The following ZDHHC17 variants were observed in gnomAD, a reference collection of about 807,000 sequenced individuals.
ZDHHC17 encodes the protein palmitoyltransferase ZDHHC17.
In ZDHHC17, 40 loss-of-function variants were observed where a neutral mutation model predicts 90.3. The ratio of observed to expected loss-of-function variants is 0.44; its 90% confidence interval spans 0.34 to 0.58. The LOEUF (loss-of-function observed/expected upper bound fraction) is 0.58, where lower values mean the gene tolerates loss of function less well. Among genes scored for constraint, ZDHHC17 ranks in the 20% least tolerant of loss-of-function variants. The pLI, the probability that ZDHHC17 is intolerant of heterozygous loss-of-function variation, is 0.01. For synonymous variants in ZDHHC17, 235 were observed against 252.4 expected, an observed-to-expected ratio of 0.93 and a Z score of 0.65; for missense variants, 614 against 780.8, an observed-to-expected ratio of 0.79 and a Z score of 2.55.
chr12:76,808,929 G>A (rs907935621), intron 3 of ZDHHC17, 114 bp from the exon 4 acceptor site: 1 of 547,596 alleles, frequency 1.8e-6, no homozygotes, highest in African/African-American at 2.0e-5. Flanking sequence ...TATTTTCAAA[G>A]GTTCAAACTA....
intron 10 of ZDHHC17, among the ~76,000 whole-genome samples, chr12:76,836,397 TTC>T (rs1261791661): frequency 6.6e-6 from 1 of 152,130 alleles, no homozygotes; most frequent in East Asian, 1.9e-4. Context: ...ATGTGCTACA[TTC>T]TCTCTTGTTT....
Position 76,846,674 on chromosome 12 carries a change from T to C in ZDHHC17, c.1502T>C (p.Ile501Thr). The C allele has an allele frequency of 6.2e-7, 1 of 1,607,160 alleles. No individual in the cohort carries two copies. Among genetic ancestry groups the C allele is most frequent in the Non-Finnish European group, 8.5e-7 (1 of 1,175,652 alleles). ...FMICWMIYGCISYWGLHCETT... is the reference protein window; with the variant it reads ...FMICWMIYGCTSYWGLHCETT... ...ATCTGCTGGATGATTTATGGTTGTA[T>C]ATCTTGTGAGTACAATTAGTTTTCG... Residue 501 changes from isoleucine to threonine, a missense_variant, in exon 14 of 17, where the codon ATA becomes ACA. Ile to Thr is a moderately conservative substitution (Grantham distance 89, BLOSUM62 -1). Coordinates refer to ENST00000426126, the MANE Select transcript of ZDHHC17 (RefSeq NM_015336.4).
At chr12:76,786,043 G>A (rs898578071) in intron 1 of ZDHHC17, among the ~76,000 whole-genome samples, 2 of 152,100 alleles carry the variant, frequency 1.3e-5, no homozygotes, top group East Asian at 3.9e-4. Flanking sequence ...AAGAAGCATT[G>A]CGACTTGGTG....
Position 76,805,327 on chromosome 12 carries a change from T to C in ZDHHC17, c.208T>C (p.Tyr70His), listed in dbSNP as rs776465219. The change falls in exon 3 of 17, where the codon TAT (tyrosine) becomes CAT (histidine). Residue 70 changes from tyrosine (Y) to histidine (H), a missense_variant. Coordinates refer to ENST00000426126, the MANE Select transcript of ZDHHC17 (RefSeq NM_015336.4). ...DIVKATQYGIYERCRELVEAG... is the reference protein window; with the variant it reads ...DIVKATQYGIHERCRELVEAG... ...TTCTTTCTTTTCTAGATATGGAATA[T>C]ATGAACGCTGTCGAGAATTGGTGGA... The C allele has an allele frequency of 1.3e-5, 20 of 1,598,862 alleles. No individual in the cohort carries two copies. Among genetic ancestry groups the C allele is most frequent in the South Asian group, 1.0e-4 (9 of 88,646 alleles).
At chr12:76,815,525 A>G (rs1953076469) in intron 6 of ZDHHC17, among the ~76,000 whole-genome samples, 1 of 151,888 alleles carries the variant, frequency 6.6e-6, no homozygotes, top group African/African-American at 2.4e-5. Context: ...GTCTTAGATC[A>G]CTTTTGGAAG....
At chr12:76,837,786 GTTCATAC>G (rs1953386272) in intron 10 of ZDHHC17, among the ~76,000 whole-genome samples, 1 of 151,956 alleles carries the variant, frequency 6.6e-6, no homozygotes, top group African/African-American at 2.4e-5. Context: ...TGTCATCTGT[GTTCATAC>G]TTTTGTCTCT....
intron 1 of ZDHHC17, among the ~76,000 whole-genome samples, chr12:76,775,587 T>G (rs1952550130): frequency 1.3e-5 from 2 of 152,218 alleles, no homozygotes; most frequent in Non-Finnish European, 2.9e-5. Flanking sequence ...AGTAAAAATT[T>G]GAAGTGATAA....
chr12:76,842,130 CT>C, intron 11 of ZDHHC17, 24 bp downstream of exon 11: 3 of 1,534,572 alleles, frequency 2.0e-6, no homozygotes, highest in Non-Finnish European at 2.6e-6. Flanking sequence ...AACTAAGTCA[CT>C]TGTATTTAAC....
chr12:76,782,525 T>C (rs965086544), intron 1 of ZDHHC17, among the ~76,000 whole-genome samples: 3 of 152,202 alleles, frequency 2.0e-5, no homozygotes, highest in Non-Finnish European at 4.4e-5. Context: ...GCAAACACTT[T>C]AGATGCTGTT....
At chr12:76,849,504 T>C in intron 16 of ZDHHC17, 34 bp downstream of exon 16, 1 of 1,397,272 alleles carries the variant, frequency 7.2e-7, no homozygotes, top group Non-Finnish European at 9.7e-7. Flanking sequence ...ATATTTTACC[T>C]GGTCATAAAA....
intron 1 of ZDHHC17, among the ~76,000 whole-genome samples, chr12:76,794,389 T>A (rs1952795239): frequency 6.6e-6 from 1 of 152,224 alleles, no homozygotes; most frequent in Non-Finnish European, 1.5e-5. Flanking sequence ...TAGAGTGTTG[T>A]CATTTGTCAC....
chr12:76,814,236 A>G (rs1953058279), intron 5 of ZDHHC17, among the ~76,000 whole-genome samples: 2 of 151,962 alleles, frequency 1.3e-5, no homozygotes, highest in African/African-American at 4.8e-5. Context: ...TTTCGGTTTA[A>G]TAGGTGGAAG....
At chr12:76,826,844 A>G in intron 8 of ZDHHC17, 64 bp from the exon 9 acceptor site, 1 of 1,449,516 alleles carries the variant, frequency 6.9e-7, no homozygotes, top group Non-Finnish European at 9.1e-7. Flanking sequence ...CAAAGGTAAC[A>G]ATGATTCAGA....
intron 1 of ZDHHC17, among the ~76,000 whole-genome samples, chr12:76,769,530 A>G (rs1311892963): frequency 3.3e-5 from 5 of 152,122 alleles, no homozygotes; most frequent in African/African-American, 1.2e-4. Flanking sequence ...TTTTCTTCCC[A>G]TAGGTTACCT....
In ZDHHC17 at chr12:76,853,044, CAG is replaced by C. The variant is rs777968895; in HGVS notation, c.*2062_*2063del. 4 of 152,228 alleles carry C rather than the reference CAG, an allele frequency of 2.6e-5. No individual in the cohort carries two copies. The highest frequency in any genetic ancestry group is 9.6e-5 in the African/African-American group (4 of 41,540). The allele number at this position is 152,228 out of a possible 1,614,324, so 9.4% of individuals were successfully genotyped here. ...CAGTTAAAGACTATGGTGGTTTTTT[CAG>C]AGTTTGGCTAAGAATGTTGTTACCA... is the stretch of plus-strand genomic sequence containing the variant. On this transcript the variant is annotated 3_prime_UTR_variant, in exon 17 of 17. Coordinates refer to ENST00000426126, the MANE Select transcript of ZDHHC17 (RefSeq NM_015336.4).
Position 76,826,923 on chromosome 12 carries a change from G to A in ZDHHC17, c.913G>A (p.Val305Ile), listed in dbSNP as rs769845739. ...LKADKEFRQK[V>I]MLGTPFLVIW... The stretch of plus-strand genomic sequence containing the variant: ...TTCTATACAGGAATTTCGGCAGAAA[G>A]TAATGTTAGGAACTCCTTTCCTAGT... The change falls in exon 9 of 17, where the codon GTA becomes ATA. Residue 305 changes from valine (V) to isoleucine (I), a missense_variant. Around this residue, in one of 5 missense-constraint regions of ZDHHC17, gnomAD observed 358 missense variants for 380.4 expected, o/e 0.94. Coordinates refer to ENST00000426126, the MANE Select transcript of ZDHHC17 (RefSeq NM_015336.4). 2 of 1,511,070 alleles carry A rather than the reference G, an allele frequency of 1.3e-6. No homozygotes were observed. Among genetic ancestry groups the A allele is most frequent in the South Asian group, 2.7e-5 (2 of 73,320 alleles). The allele number at this position is 1,511,070 out of a possible 1,614,324, so 93.6% of individuals were successfully genotyped here.
At chr12:76,829,228 GTGAGTGGA>G (rs1163979536) in intron 10 of ZDHHC17, among the ~76,000 whole-genome samples, 4 of 152,018 alleles carry the variant, frequency 2.6e-5, no homozygotes, top group African/African-American at 9.7e-5. Flanking sequence ...GGAGGTCGAG[GTGAGTGGA>G]TCACGAGGTC....
At chr12:76,844,818 A>G (rs1193986419) in intron 12 of ZDHHC17, 1 of 152,174 alleles carries the variant, frequency 6.6e-6, no homozygotes, top group Non-Finnish European at 1.5e-5. Context: ...ACGCTGAAGT[A>G]TATTTATAAA....
At position 76,815,847 on chromosome 12, in the gene ZDHHC17, T is replaced by C. The variant is rs75525897; in HGVS notation, c.609-10T>C. The C allele has an allele frequency of 1.4e-6, 2 of 1,463,638 alleles. No individual in the cohort carries two copies. Among genetic ancestry groups the C allele is most frequent in the Non-Finnish European group, 1.8e-6 (2 of 1,105,494 alleles). The allele number at this position is 1,463,638 out of a possible 1,614,324, so 90.7% of individuals were successfully genotyped here. A position where few individuals can be genotyped will look rare whatever the true frequency, so the allele number is the denominator to read the frequency against. On this transcript the variant is annotated splice_polypyrimidine_tract_variant and intron_variant, in intron 6 of 16. Coordinates refer to ENST00000426126, the MANE Select transcript of ZDHHC17 (RefSeq NM_015336.4). ...TGTTGTTGTTTGTTTTTTTTTTTTT[T>C]CCTTTTCAGTGTGGATCCAACTAGA... is the stretch of plus-strand genomic sequence containing the variant.
Sources: gnomAD v4.1 joint callset for allele counts (sites outside exome capture counted in the v4.1 genomes callset) on GRCh38, gnomAD v4.1.1 for gene constraint, gnomAD v4.1.1 regional missense constraint, MANE v1.5 for transcripts, NCBI Gene and HGNC (gene_info 2026-07-23, HGNC 2026-07-21) for gene names.